CACNA2D3: variants seen among roughly 807,000 people sequenced by gnomAD.
CACNA2D3 encodes the protein voltage-dependent calcium channel subunit alpha-2/delta-3.
In CACNA2D3, 60 loss-of-function variants were observed where a neutral mutation model predicts 160.6. That is an observed-to-expected ratio of 0.37 (90% CI 0.30 to 0.46). The LOEUF is 0.46. CACNA2D3 is among the 20% of genes least tolerant of loss of function. The pLI is 1.00. For missense variants in CACNA2D3, 1,205 were observed against 1,365.0 expected, an observed-to-expected ratio of 0.88 and a Z score of 1.85; for synonymous variants, 558 against 492.9, an observed-to-expected ratio of 1.13 and a Z score of -1.75.
At chr3:54,548,969 G>A (rs1223543841) in intron 5 of CACNA2D3, among the ~76,000 whole-genome samples, 4 of 152,290 alleles carry the variant, frequency 2.6e-5, no homozygotes, top group South Asian at 2.1e-4. Context: ...AAAGCAGCAC[G>A]TAATGCAAAT....
chr3:54,368,947 C>T lies in CACNA2D3; in HGVS notation c.322-17768C>T, dbSNP rs1484617923. Among the ~76,000 whole-genome samples, 11 of 151,714 alleles carry T rather than the reference C, an allele frequency of 7.3e-5. No individual in the cohort carries two copies. In the East Asian group the frequency reaches 7.8e-4, roughly 11 times the overall value. ...CTATCTCCTGACCTTGTGATCCTCC[C>T]GCCTCAGCCTCCCAAAGTGCTGGGA... On this transcript the variant is annotated intron_variant, in intron 3 of 37. Transcript: ENST00000474759.
At chr3:54,241,846 G>A (rs1032725330) in intron 2 of CACNA2D3, among the ~76,000 whole-genome samples, 4 of 152,190 alleles carry the variant, frequency 2.6e-5, no homozygotes, top group African/African-American at 7.2e-5. Flanking sequence ...GTAACCTTGG[G>A]TAAGTTACTT....
At chr3:54,988,176 T>G (rs1216873825) in intron 31 of CACNA2D3, among the ~76,000 whole-genome samples, 1 of 152,246 alleles carries the variant, frequency 6.6e-6, no homozygotes, top group Non-Finnish European at 1.5e-5. Context: ...TTTAGAGACT[T>G]CTTGATGTTG....
intron 4 of CACNA2D3, among the ~76,000 whole-genome samples, chr3:54,434,777 C>G (rs1700037347): frequency 6.6e-6 from 1 of 152,168 alleles, no homozygotes; most frequent in Non-Finnish European, 1.5e-5. Context: ...GTATTCAGTC[C>G]AGGCCAGTTT....
chr3:54,880,755 G>A (rs1451426692), intron 20 of CACNA2D3, 41 bp from the exon 21 acceptor site: 10 of 1,530,890 alleles, frequency 6.5e-6, no homozygotes, highest in Non-Finnish European at 9.1e-6. Flanking sequence ...TATTCGAGTC[G>A]ATGCCAGGGA....
intron 5 of CACNA2D3, among the ~76,000 whole-genome samples, chr3:54,540,700 C>T (rs1266027951): frequency 1.3e-5 from 2 of 151,822 alleles, no homozygotes; most frequent in Non-Finnish European, 2.9e-5. Context: ...AGCGAGCTCT[C>T]TTATGTCTCT....
chr3:54,468,826 G>A (rs1700676619), intron 4 of CACNA2D3, among the ~76,000 whole-genome samples: 1 of 152,156 alleles, frequency 6.6e-6, no homozygotes, highest in African/African-American at 2.4e-5. Flanking sequence ...GTTCGAACTG[G>A]GTGGAGCCCA....
In CACNA2D3 at chr3:55,073,824, A is replaced by G; in HGVS notation, c.3148A>G (p.Arg1050Gly). The change falls in exon 37 of 38, where the codon AGG becomes GGG. Residue 1050 changes from arginine (R) to glycine (G), a missense_variant. Transcript: ENST00000474759. The stretch of plus-strand genomic sequence containing the variant: ...ACGTCTAAAGGCCCAGAAGATCAGA[A>G]GGCGCCCAGAATCTTGTCATGGCTT... ...CERLKAQKIR[R>G]RPESCHGFHP... is the part of the protein sequence containing the mutation. 6.2e-7 allele frequency: 1 copy of G among 1,613,824 alleles called. No individual in the cohort carries two copies. The highest frequency in any genetic ancestry group is 8.5e-7 in the Non-Finnish European group (1 of 1,179,796).
At chr3:54,254,595 A>C (rs754502816) in intron 2 of CACNA2D3, among the ~76,000 whole-genome samples, 1 of 152,220 alleles carries the variant, frequency 6.6e-6, no homozygotes, top group Non-Finnish European at 1.5e-5. Context: ...TGGAGATGAT[A>C]ATAATGCCTA....
At chr3:54,641,096 C>G (rs1167806190) in intron 10 of CACNA2D3, among the ~76,000 whole-genome samples, 1 of 151,438 alleles carries the variant, frequency 6.6e-6, no homozygotes, top group Non-Finnish European at 1.5e-5. Flanking sequence ...TTATTCTGAG[C>G]CAAATATGAA....
At chr3:55,010,780 C>T (rs1303032115) in intron 34 of CACNA2D3, among the ~76,000 whole-genome samples, 2 of 152,238 alleles carry the variant, frequency 1.3e-5, no homozygotes, top group African/African-American at 4.8e-5. Context: ...TCAACTCCCT[C>T]AGGCAGAATG....
At chr3:54,149,522 G>C (rs1481622567) in intron 2 of CACNA2D3, among the ~76,000 whole-genome samples, 1 of 152,146 alleles carries the variant, frequency 6.6e-6, no homozygotes, top group Non-Finnish European at 1.5e-5. Context: ...AGATGAGGAA[G>C]GGTGTGGGTT....
intron 14 of CACNA2D3, among the ~76,000 whole-genome samples, chr3:54,827,875 G>A (rs1035073980): frequency 2.6e-5 from 4 of 152,208 alleles, no homozygotes; most frequent in African/African-American, 9.6e-5. Flanking sequence ...GCTAAATGCC[G>A]TGGATGAAAA....
chr3:54,291,779 G>C (rs1280873029), intron 2 of CACNA2D3, among the ~76,000 whole-genome samples: 1 of 152,158 alleles, frequency 6.6e-6, no homozygotes, highest in Non-Finnish European at 1.5e-5. Context: ...TGGGAGTGCT[G>C]AACAGATTCG....
chr3:54,646,063 T>A (rs1699628892), intron 11 of CACNA2D3, among the ~76,000 whole-genome samples: 1 of 151,868 alleles, frequency 6.6e-6, no homozygotes, highest in African/African-American at 2.4e-5. Context: ...AGTCAGTTGA[T>A]TTTTGAGTTA....
intron 1 of CACNA2D3, 22 bp downstream of exon 1, chr3:54,122,857 G>C (rs1189161360): frequency 7.4e-6 from 9 of 1,222,462 alleles, no homozygotes; most frequent in African/African-American, 1.6e-5. Flanking sequence ...CTCCTGCGCC[G>C]CCCGGGGAGG....
intron 2 of CACNA2D3, among the ~76,000 whole-genome samples, chr3:54,216,476 A>G (rs995922124): frequency 1.3e-5 from 2 of 152,208 alleles, no homozygotes; most frequent in Non-Finnish European, 2.9e-5. Context: ...TCCAGTTGCC[A>G]TCCAGCTTGT....
At chr3:55,062,976 C>T (rs1704549701) in intron 35 of CACNA2D3, among the ~76,000 whole-genome samples, 1 of 152,222 alleles carries the variant, frequency 6.6e-6, no homozygotes, top group South Asian at 2.1e-4. Flanking sequence ...TCGCTGTGAG[C>T]ATTTAATTCC....
At chr3:54,344,638 T>C (rs1698424102) in intron 3 of CACNA2D3, among the ~76,000 whole-genome samples, 1 of 152,150 alleles carries the variant, frequency 6.6e-6, no homozygotes, top group African/African-American at 2.4e-5. Context: ...CTCTGTGACG[T>C]CTATGTAGAA....
Sources: gnomAD v4.1 joint callset for allele counts (sites outside exome capture counted in the v4.1 genomes callset) on GRCh38, gnomAD v4.1.1 for gene constraint, MANE v1.5 for transcripts, NCBI Gene and HGNC (gene_info 2026-07-23, HGNC 2026-07-21) for gene names.